Variants in LINGO1 observed in about 807,000 individuals in gnomAD.
The protein encoded by LINGO1 is leucine rich repeat and Ig domain containing 1, also known as leucine-rich repeat and immunoglobulin-like domain-containing nogo receptor-interacting protein 1.
LINGO1 carries 11 observed loss-of-function variants against 37.3 expected under a neutral mutation model. The ratio of observed to expected loss-of-function variants is 0.29; its 90% CI spans 0.19 to 0.49. The LOEUF (loss-of-function observed/expected upper bound fraction) is 0.49, where lower values mean the gene tolerates loss of function less well. LINGO1 is among the 20% of genes least tolerant of loss of function. The pLI is 0.99. For synonymous variants in LINGO1, 387 were observed against 403.0 expected (o/e 0.96, Z 0.48); for missense variants, 585 against 878.2 (o/e 0.67, Z 4.22).
chr15:77,692,589 G>T (rs1056797937), intron 1 of LINGO1, among the ~76,000 whole-genome samples: 1 of 152,152 alleles, frequency 6.6e-6, no homozygotes, highest in South Asian at 2.1e-4. Context: ...GAGAGACCTC[G>T]ACTGTGAATG....
At chr15:77,685,995 C>G (rs539906515) in intron 2 of LINGO1, among the ~76,000 whole-genome samples, 1 of 152,060 alleles carries the variant, frequency 6.6e-6, no homozygotes, top group African/African-American at 2.4e-5. Context: ...GGGTGGTGGG[C>G]GGCTGTCTAG....
At chr15:77,633,593 G>T (rs932209416), upstream of LINGO1, among the ~76,000 whole-genome samples, 17 of 152,308 alleles carry the variant, frequency 1.1e-4, no homozygotes, top group African/African-American at 4.1e-4. Flanking sequence ...TCCCCGCCCA[G>T]CCTGGCTTCC....
intron 1 of LINGO1, among the ~76,000 whole-genome samples, chr15:77,784,264 A>G (rs2076750226): frequency 6.6e-6 from 1 of 152,246 alleles, no homozygotes; most frequent in East Asian, 1.9e-4. Context: ...GCACAGAGCC[A>G]GCAGGAGAGA....
At chr15:77,639,988 C>T (rs60706078) in intron 3 of LINGO1, among the ~76,000 whole-genome samples, 3,536 of 152,236 alleles carry the variant, frequency 0.023, 152 homozygotes, top group African/African-American at 0.081. Context: ...CTCTCAGCAA[C>T]GCTATGGGCT....
At position 77,614,943 on chromosome 15, in the gene LINGO1, G is replaced by T; in HGVS notation, c.964C>A (p.Gln322Lys). 1 of 1,613,830 alleles carries T rather than the reference G, an allele frequency of 6.2e-7. No homozygotes were observed. Among genetic ancestry groups the T allele is most frequent in the South Asian group, 1.1e-5 (1 of 91,058 alleles). Residue 322 changes from glutamine (Q) to lysine (K), a missense_variant, in exon 2 of 2, where the codon CAG becomes AAG. Physicochemically the swap from Gln to Lys is moderately conservative, Grantham distance 53. Coordinates refer to ENST00000355300, the MANE Select transcript of LINGO1 (RefSeq NM_032808.7). ...RLQEIQLVGG[Q>K]LAVVEPYAFR... Reference sequence around the variant, plus strand: ...GCATAGGGCTCCACCACGGCCAGCTGCCCGCCCACCAGCTGGATCTCCTGC... The same window carrying T: ...GCATAGGGCTCCACCACGGCCAGCTTCCCGCCCACCAGCTGGATCTCCTGC...
chr15:77,686,811 C>T (rs944260485), intron 2 of LINGO1, among the ~76,000 whole-genome samples: 1 of 152,192 alleles, frequency 6.6e-6, no homozygotes, highest in African/African-American at 2.4e-5. Context: ...ATGTCCCTGC[C>T]AGTCCCCTGG....
intron 1 of LINGO1, among the ~76,000 whole-genome samples, chr15:77,777,456 T>C (rs1402987901): frequency 1.5e-5 from 1 of 68,216 alleles, no homozygotes; most frequent in Non-Finnish European, 3.6e-5. Context: ...TTTGGACATA[T>C]ACACACACGC....
chr15:77,730,809 G>A (rs1411962350), intron 2 of LINGO1, among the ~76,000 whole-genome samples: 1 of 152,240 alleles, frequency 6.6e-6, no homozygotes, highest in Non-Finnish European at 1.5e-5. Flanking sequence ...CTGAGGGGAG[G>A]TGTGGCCCAT....
intron 1 of LINGO1, among the ~76,000 whole-genome samples, chr15:77,738,493 A>G (rs144035883): frequency 2.0e-5 from 3 of 152,228 alleles, no homozygotes; most frequent in East Asian, 3.9e-4. Flanking sequence ...CATTCAAATG[A>G]GCCCTCTTAC....
intron 1 of LINGO1, among the ~76,000 whole-genome samples, chr15:77,781,193 G>T (rs2076713521): frequency 6.6e-6 from 1 of 152,224 alleles, no homozygotes; most frequent in South Asian, 2.1e-4. Flanking sequence ...AGTCCAGCCG[G>T]TTCCCTGAAG....
In LINGO1 at chr15:77,812,585, C is replaced by T. The variant is rs533895629; in HGVS notation, c.-458+7673G>A. Among the ~76,000 whole-genome samples, 477 of 152,334 alleles carry T rather than the reference C, an allele frequency of 3.1e-3. 3 individuals are homozygous for T. The highest frequency in any genetic ancestry group is 0.01 in the African/African-American group (436 of 41,576). On this transcript the variant is annotated intron_variant, in intron 1 of 5. Transcript: ENST00000562933. ...TGTGGGTCACAGACAGGGGGGCTTG[C>T]GTCTCTTTCTCTGCCTCCTGTTTAT...
intron 1 of LINGO1, among the ~76,000 whole-genome samples, chr15:77,817,833 G>T (rs1291572616): frequency 6.6e-6 from 1 of 152,204 alleles, no homozygotes; most frequent in South Asian, 2.1e-4. Flanking sequence ...CCTCCTCTGT[G>T]AAATGGATAA....
At chr15:77,745,223 G>A (rs887391397) in intron 1 of LINGO1, among the ~76,000 whole-genome samples, 4 of 151,644 alleles carry the variant, frequency 2.6e-5, no homozygotes, top group East Asian at 1.9e-4. Flanking sequence ...TCAGGAGATC[G>A]AGACCATCCT....
At chr15:77,701,384 G>T (rs1205099726), upstream of LINGO1, among the ~76,000 whole-genome samples, 10 of 152,106 alleles carry the variant, frequency 6.6e-5, no homozygotes, top group Admixed American at 6.5e-5. Flanking sequence ...CTCTTCTTTG[G>T]CTTCCAGCAG....
intron 1 of LINGO1, among the ~76,000 whole-genome samples, chr15:77,801,397 A>G (rs1479641759): frequency 6.6e-6 from 1 of 152,214 alleles, no homozygotes; most frequent in African/African-American, 2.4e-5. Context: ...GTAAAATGCT[A>G]TTTCAGCATG....
At chr15:77,800,485 A>G (rs1479694299) in intron 1 of LINGO1, among the ~76,000 whole-genome samples, 1 of 152,104 alleles carries the variant, frequency 6.6e-6, no homozygotes, top group Non-Finnish European at 1.5e-5. Context: ...GAAGATGGAG[A>G]TGGAGCATGG....
intron 2 of LINGO1, among the ~76,000 whole-genome samples, chr15:77,728,069 A>G (rs12914069): frequency 1.3e-5 from 2 of 152,116 alleles, no homozygotes; most frequent in African/African-American, 4.8e-5. Flanking sequence ...AGGCCTCTTC[A>G]GAGAGCCCCA....
chr15:77,616,359 C>T (rs149068518), intron 1 of LINGO1, among the ~76,000 whole-genome samples: 1,639 of 152,308 alleles, frequency 0.011, 10 homozygotes, highest in Non-Finnish European at 0.016. Context: ...CCCAAGAAGC[C>T]GGAGCAGAGC....
chr15:77,691,730 C>T lies in LINGO1; in HGVS notation c.-280-829G>A, dbSNP rs189253448. Among the ~76,000 whole-genome samples the T allele has an allele frequency of 7.4e-4, 112 of 152,038 alleles. 2 individuals carry two copies. The East Asian group carries it at 0.013, about 18-fold the overall frequency. On this transcript the variant is annotated intron_variant, in intron 1 of 3. Transcript: ENST00000559893. Reference sequence around the variant, plus strand: ...CCTAAACACTCCACGACAGAGATGACGGAGCAATTCACGGCACCCCTGCCA... The same window carrying T: ...CCTAAACACTCCACGACAGAGATGATGGAGCAATTCACGGCACCCCTGCCA...
Sources: gnomAD v4.1 joint callset for allele counts (sites outside exome capture counted in the v4.1 genomes callset) on GRCh38, gnomAD v4.1.1 for gene constraint, MANE v1.5 for transcripts, NCBI Gene and HGNC (gene_info 2026-07-23, HGNC 2026-07-21) for gene names.